HEMK2: variants seen among roughly 807,000 people sequenced by gnomAD.
HEMK2 encodes methyltransferase HEMK2.
the HEMK2 span, among the ~76,000 whole-genome samples, chr21:28,864,861 A>AGATAGATAGATG: frequency 1.7e-5 from 2 of 116,844 alleles, no homozygotes; most frequent in Non-Finnish European, 3.7e-5. Context: ...ATAGATAGAT[A>AGATAGATAGATG]GATAGATGGA....
chr21:28,584,834 G>T, the HEMK2 span, among the ~76,000 whole-genome samples: 131 of 152,168 alleles, frequency 8.6e-4, no homozygotes, highest in African/African-American at 3.0e-3. Flanking sequence ...AGGAAGCAAA[G>T]AAAATCATCT....
At chr21:28,774,137 A>C in the HEMK2 span, among the ~76,000 whole-genome samples, 1 of 152,158 alleles carries the variant, frequency 6.6e-6, no homozygotes, top group Non-Finnish European at 1.5e-5. Flanking sequence ...CTTCAAAATA[A>C]AAGAGATTGA....
the HEMK2 span, among the ~76,000 whole-genome samples, chr21:28,842,993 G>A: frequency 1.3e-5 from 2 of 152,118 alleles, no homozygotes; most frequent in African/African-American, 2.4e-5. Flanking sequence ...GTTTGGTCTT[G>A]ATAAAATTGT....
the HEMK2 span, among the ~76,000 whole-genome samples, chr21:28,853,217 T>C: frequency 1.3e-4 from 20 of 152,334 alleles, no homozygotes; most frequent in African/African-American, 4.8e-4. Flanking sequence ...TTTGGATCCC[T>C]TTCTTTACAT....
At chr21:28,679,399 C>T in the HEMK2 span, among the ~76,000 whole-genome samples, 7 of 152,088 alleles carry the variant, frequency 4.6e-5, no homozygotes. Flanking sequence ...TAAAGCAAGT[C>T]CTTAGAGGCC....
the HEMK2 span, among the ~76,000 whole-genome samples, chr21:28,844,712 T>C: frequency 2.0e-5 from 3 of 152,194 alleles, no homozygotes; most frequent in South Asian, 2.1e-4. Flanking sequence ...TCACCACCAG[T>C]AGTATTTATT....
chr21:28,795,746 G>A, the HEMK2 span, among the ~76,000 whole-genome samples: 3 of 152,216 alleles, frequency 2.0e-5, no homozygotes, highest in African/African-American at 2.4e-5. Context: ...CAAACTATCT[G>A]CAGTGTGAAT....
chr21:28,678,667 G>A, the HEMK2 span, among the ~76,000 whole-genome samples: 1 of 152,152 alleles, frequency 6.6e-6, no homozygotes, highest in African/African-American at 2.4e-5. Context: ...ACCCACAAAG[G>A]GAAGCCCATC....
chr21:28,882,403 C>T, the HEMK2 span, among the ~76,000 whole-genome samples: 8 of 151,056 alleles, frequency 5.3e-5, no homozygotes, highest in African/African-American at 1.9e-4. Flanking sequence ...AAAAAGAGAA[C>T]AAGGATTTGT....
At chr21:28,729,570 T>C in the HEMK2 span, among the ~76,000 whole-genome samples, 1 of 144,684 alleles carries the variant, frequency 6.9e-6, no homozygotes, top group South Asian at 2.1e-4. Context: ...TGGTCCACAC[T>C]GGAAAAAGAG....
chr21:28,880,018 A>T, the HEMK2 span: 1 of 1,145,150 alleles, frequency 8.7e-7, no homozygotes, highest in Non-Finnish European at 1.3e-6. Flanking sequence ...TGACAAATTA[A>T]TCTTTAAAAA....
At chr21:28,852,004 C>T in the HEMK2 span, among the ~76,000 whole-genome samples, 5 of 152,290 alleles carry the variant, frequency 3.3e-5, no homozygotes, top group East Asian at 9.6e-4. Flanking sequence ...CTTGTAGTCA[C>T]CTCTTAGTTA....
the HEMK2 span, among the ~76,000 whole-genome samples, chr21:28,807,025 A>C: frequency 6.6e-6 from 1 of 152,208 alleles, no homozygotes; most frequent in Non-Finnish European, 1.5e-5. Context: ...AGGCACAACT[A>C]AACTGAGGTT....
At chr21:28,834,263 G>T in the HEMK2 span, among the ~76,000 whole-genome samples, 1 of 152,176 alleles carries the variant, frequency 6.6e-6, no homozygotes, top group Admixed American at 6.5e-5. Flanking sequence ...ATCCTGAGAG[G>T]ACCCACAGAC....
chr21:28,725,578 G>C, the HEMK2 span, among the ~76,000 whole-genome samples: 1 of 152,300 alleles, frequency 6.6e-6, no homozygotes, highest in East Asian at 1.9e-4. Context: ...TACCAGACAA[G>C]AGTGAGGGCT....
At chr21:28,661,275 T>C in the HEMK2 span, among the ~76,000 whole-genome samples, 1 of 152,100 alleles carries the variant, frequency 6.6e-6, no homozygotes, top group South Asian at 2.1e-4. Flanking sequence ...TTCTAACTTC[T>C]TGAGCTGGAC....
the HEMK2 span, among the ~76,000 whole-genome samples, chr21:28,852,267 G>C: frequency 6.6e-6 from 1 of 152,228 alleles, no homozygotes; most frequent in East Asian, 1.9e-4. Flanking sequence ...ATCAGTCAGG[G>C]AGCCAATGTG....
the HEMK2 span, among the ~76,000 whole-genome samples, chr21:28,729,175 C>T: frequency 2.0e-5 from 3 of 152,316 alleles, no homozygotes; most frequent in South Asian, 6.2e-4. Flanking sequence ...ATAACATGGG[C>T]AGGTGCGAAA....
chr21:28,673,426 T>A, the HEMK2 span, among the ~76,000 whole-genome samples: 1 of 151,840 alleles, frequency 6.6e-6, no homozygotes, highest in African/African-American at 2.4e-5. Context: ...ACTCCAAAAA[T>A]AAACTTCAGA....
Sources: gnomAD v4.1 joint callset for allele counts (sites outside exome capture counted in the v4.1 genomes callset) on GRCh38, gnomAD v4.1.1 for gene constraint, MANE v1.5 for transcripts, NCBI Gene and HGNC (gene_info 2026-07-23, HGNC 2026-07-21) for gene names.